The following IBTK variants were observed in gnomAD, a reference collection of about 807,000 sequenced individuals.
The protein encoded by IBTK is BTK-binding protein.
In IBTK, 83 loss-of-function variants were observed where a neutral mutation model predicts 154.9. The observed-to-expected ratio is 0.54, with a 90% confidence interval of 0.45 to 0.64. The LOEUF is 0.64. IBTK is among the 30% of genes least tolerant of loss of function. The pLI is 0.00. For missense variants in IBTK, 1,332 were observed against 1,584.6 expected, an observed-to-expected ratio of 0.84 and a Z score of 2.71; for synonymous variants, 515 against 536.1, an observed-to-expected ratio of 0.96 and a Z score of 0.54.
intron 26 of IBTK, among the ~76,000 whole-genome samples, chr6:82,179,035 G>C (rs1001087166): frequency 6.6e-6 from 1 of 152,162 alleles, no homozygotes; most frequent in South Asian, 2.1e-4. Context: ...GAACATACTG[G>C]CTTAATATAT....
intron 26 of IBTK, among the ~76,000 whole-genome samples, chr6:82,175,374 A>G (rs1768072080): frequency 6.6e-6 from 1 of 152,184 alleles, no homozygotes; most frequent in African/African-American, 2.4e-5. Flanking sequence ...ACTGAGGTAC[A>G]GAAAGACTCA....
chr6:82,231,024 A>G (rs1043661216), intron 4 of IBTK, among the ~76,000 whole-genome samples: 29 of 152,142 alleles, frequency 1.9e-4, no homozygotes, highest in Admixed American at 1.7e-3. Flanking sequence ...AAGTGATGAA[A>G]TTTTAGTTCT....
chr6:82,232,664 C>T (rs1413703668), intron 3 of IBTK, among the ~76,000 whole-genome samples: 1 of 152,114 alleles, frequency 6.6e-6, no homozygotes, highest in East Asian at 1.9e-4. Context: ...TTCCCACTTC[C>T]AAATCTCAAA....
At chr6:82,201,142 C>A (rs112999519) in intron 19 of IBTK, among the ~76,000 whole-genome samples, 2 of 151,998 alleles carry the variant, frequency 1.3e-5, no homozygotes, top group Non-Finnish European at 2.9e-5. Context: ...TGTTTTTGCA[C>A]GGTCCTGACC....
At position 82,224,108 on chromosome 6, in the gene IBTK, T is replaced by C; in HGVS notation, c.903A>G (p.Arg301=). The stretch of plus-strand genomic sequence containing the variant: ...TTAGTCCCATAGTGTAAACAGCTTC[T>C]CTAGTCCATAGGACTGTATGAAACC... The part of the protein sequence containing the change: ...AGRFHTVLWT[R]EAVYTMGLNG... The change falls in exon 7 of 29, where the codon AGA becomes AGG. Residue 301 remains arginine, a synonymous_variant. Transcript: ENST00000306270. The C allele has an allele frequency of 6.2e-7, 1 of 1,613,032 alleles. No individual in the cohort carries two copies. The highest frequency in any genetic ancestry group is 8.5e-7 in the Non-Finnish European group (1 of 1,179,028).
rs1425896468 is a variant in IBTK at position 82,191,850 on chromosome 6, C to T, written c.3368G>A (p.Arg1123Lys). 2 of 1,611,528 alleles carry T rather than the reference C, an allele frequency of 1.2e-6. No individual in the cohort carries two copies. Among genetic ancestry groups the T allele is most frequent in the South Asian group, 1.1e-5 (1 of 90,928 alleles). ...SPVSPPVVDL[R>K]TIMEIEESRQ... ...ACTTTCTTCTATTTCCATGATAGTT[C>T]TGAGATCCACAACAGGAGGGCTGAC... Residue 1123 changes from arginine to lysine, a missense_variant, in exon 24 of 29, where the codon AGA (arginine) becomes AAA (lysine). By Grantham distance (26) the Arg-to-Lys change is conservative. Around this residue, in one of 3 missense-constraint regions of IBTK, gnomAD observed 1,134 missense variants for 1,274.7 expected, o/e 0.89. Coordinates refer to ENST00000306270, the MANE Select transcript of IBTK (RefSeq NM_015525.4).
Position 82,240,599 on chromosome 6 carries a change from T to G in IBTK, c.-113A>C. The G allele has an allele frequency of 1.2e-6, 1 of 825,136 alleles. No homozygotes were observed. The highest frequency in any genetic ancestry group is 1.9e-6 in the Non-Finnish European group (1 of 528,924). 51.1% of individuals were successfully genotyped at this position (825,136 alleles called of 1,614,324 possible). On this transcript the variant is annotated 5_prime_UTR_variant, in exon 2 of 29. Coordinates refer to ENST00000306270, the MANE Select transcript of IBTK (RefSeq NM_015525.4). ...AAGTTACAGAGAATAAATTACCTTTTTAGGATAATTTAAATCCTCCTGACA... is the reference window on the plus strand; with the variant it reads ...AAGTTACAGAGAATAAATTACCTTTGTAGGATAATTTAAATCCTCCTGACA...
chr6:82,220,550 C>T, intron 9 of IBTK, 40 bp downstream of exon 9: 1 of 1,558,632 alleles, frequency 6.4e-7, no homozygotes, highest in Non-Finnish European at 8.6e-7. Flanking sequence ...CAGCTATCAA[C>T]TGAGAGTAAG....
intron 2 of IBTK, among the ~76,000 whole-genome samples, chr6:82,239,243 C>G (rs1770850051): frequency 6.6e-6 from 1 of 151,606 alleles, no homozygotes; most frequent in South Asian, 2.1e-4. Context: ...AGATCGAGAC[C>G]ATCCTGGCTA....
chr6:82,243,562 C>T (rs191805565), intron 1 of IBTK, among the ~76,000 whole-genome samples: 4 of 152,286 alleles, frequency 2.6e-5, no homozygotes, highest in Admixed American at 1.3e-4. Flanking sequence ...GCTACCAACT[C>T]GATAGTCACT....
chr6:82,190,159 A>G (rs1768707947), intron 25 of IBTK, among the ~76,000 whole-genome samples: 1 of 152,192 alleles, frequency 6.6e-6, no homozygotes, highest in African/African-American at 2.4e-5. Context: ...ACCTACTAAT[A>G]GCCCTAACAA....
intron 4 of IBTK, among the ~76,000 whole-genome samples, chr6:82,228,017 A>G (rs1179214377): frequency 6.6e-6 from 1 of 152,090 alleles, no homozygotes; most frequent in African/African-American, 2.4e-5. Context: ...GCAGAACACA[A>G]TAACAGGAAA....
At chr6:82,194,770 G>A in intron 22 of IBTK, 128 bp from the exon 23 acceptor site, 2 of 594,888 alleles carry the variant, frequency 3.4e-6, no homozygotes, top group African/African-American at 1.9e-5. Flanking sequence ...AAGCCATCTA[G>A]TATTTTCAAA....
intron 28 of IBTK, 21 bp downstream of exon 28, chr6:82,172,359 C>T (rs372116212): frequency 5.3e-5 from 85 of 1,597,186 alleles, no homozygotes; most frequent in Non-Finnish European, 7.1e-5. Context: ...TAAATTAAAC[C>T]CTACTAAGTA....
chr6:82,240,664 C>A lies in IBTK; in HGVS notation c.-178G>T. 1.9e-6 allele frequency: 1 copy of A among 523,994 alleles called. No individual in the cohort carries two copies. Among genetic ancestry groups the A allele is most frequent in the Non-Finnish European group, 3.3e-6 (1 of 306,238 alleles). The allele number at this position is 523,994 out of a possible 1,614,324, so 32.5% of individuals were successfully genotyped here. On this transcript the variant is annotated 5_prime_UTR_variant, in exon 2 of 29. Coordinates refer to ENST00000306270, the MANE Select transcript of IBTK (RefSeq NM_015525.4). ...TATATCTTTATACAATTTTTTGGCA[C>A]TTAAATCAAAAAAATTATAAATAGC...
intron 27 of IBTK, chr6:82,173,052 A>T: frequency 5.5e-6 from 1 of 180,440 alleles, no homozygotes; most frequent in Non-Finnish European, 1.0e-5. Context: ...CCCCGGCTGG[A>T]GTACAGTGGC....
chr6:82,203,255 T>C (rs1487379267), intron 17 of IBTK, among the ~76,000 whole-genome samples: 1 of 152,116 alleles, frequency 6.6e-6, no homozygotes, highest in Non-Finnish European at 1.5e-5. Flanking sequence ...TTAGTTACAA[T>C]TGTAGTAACA....
At position 82,194,586 on chromosome 6, in the gene IBTK, T is replaced by G. The variant is rs747673396; in HGVS notation, c.3231A>C (p.Leu1077Phe). 2.3e-5 allele frequency: 37 copies of G among 1,611,910 alleles called. No homozygotes were observed. The highest frequency in any genetic ancestry group is 3.0e-5 in the Non-Finnish European group (35 of 1,178,790). The part of the protein sequence containing the change: ...GTSPVYSRED[L>F]KPWEKSPILK... ...GTATTGGTGACTTTTCCCATGGTTTTAAATCTTCCCTAGAATACACAGGAG... is the reference window on the plus strand; with the variant it reads ...GTATTGGTGACTTTTCCCATGGTTTGAAATCTTCCCTAGAATACACAGGAG... The change falls in exon 23 of 29, where the codon TTA (leucine) becomes TTC (phenylalanine). Residue 1077 changes from leucine to phenylalanine, a missense_variant. Physicochemically the swap from Leu to Phe is conservative, Grantham distance 22. Coordinates refer to ENST00000306270, the MANE Select transcript of IBTK (RefSeq NM_015525.4).
intron 8 of IBTK, 89 bp downstream of exon 8, chr6:82,223,351 A>C: frequency 9.6e-7 from 1 of 1,040,302 alleles, no homozygotes; most frequent in Non-Finnish European, 1.3e-6. Flanking sequence ...TGACATTTAT[A>C]GAACATAGCA....
Sources: gnomAD v4.1 joint callset for allele counts (sites outside exome capture counted in the v4.1 genomes callset) on GRCh38, gnomAD v4.1.1 for gene constraint, gnomAD v4.1.1 regional missense constraint, MANE v1.5 for transcripts, NCBI Gene and HGNC (gene_info 2026-07-23, HGNC 2026-07-21) for gene names.